RARS1: variants seen among roughly 807,000 people sequenced by gnomAD.
The protein encoded by RARS1 is arginine--tRNA ligase, cytoplasmic.
Under a neutral mutation model 78.7 loss-of-function variants are expected in RARS1, and 75 were observed. The observed-to-expected ratio is 0.95, with a 90% confidence interval of 0.79 to 1.15. The LOEUF (loss-of-function observed/expected upper bound fraction) is 1.15, where lower values mean the gene tolerates loss of function less well. Ranked by LOEUF, RARS1 falls within the 50% of genes most tolerant of loss-of-function variation. The probability of loss-of-function intolerance (pLI) is 0.00; values close to 1 mark genes in which losing one functional copy is unlikely to be tolerated. For missense variants in RARS1, 787 were observed against 787.5 expected (o/e 1.00, Z 0.01); for synonymous variants, 273 against 268.2 (o/e 1.02, Z -0.18).
At chr5:168,488,213 A>G (rs978668007) in intron 1 of RARS1, 2 of 384,012 alleles carry the variant, frequency 5.2e-6, no homozygotes, top group African/African-American at 2.1e-5. Flanking sequence ...CCGCAACCTC[A>G]GCCTCTGGGA....
chr5:168,502,174 T>C, intron 9 of RARS1, 69 bp downstream of exon 9: 1 of 1,546,000 alleles, frequency 6.5e-7, no homozygotes, highest in Middle Eastern at 1.8e-4. Flanking sequence ...ATAGAATTTA[T>C]AGTAATGCCA....
In RARS1 at chr5:168,486,483, A is replaced by G. The variant is rs1757964247; in HGVS notation, c.-16A>G. 5.1e-6 allele frequency: 8 copies of G among 1,556,108 alleles called. No individual in the cohort carries two copies. The highest frequency in any genetic ancestry group is 7.0e-6 in the Non-Finnish European group (8 of 1,148,988). On this transcript the variant is annotated 5_prime_UTR_variant, in exon 1 of 15. Transcript: ENST00000231572. ...TCCGCTTCCGTCCACTTGGCGAGTG[A>G]GACGCTGATGGGAGGATGGACGTAC...
At chr5:168,509,438 ACCC>A (rs10533468) in intron 11 of RARS1, among the ~76,000 whole-genome samples, 6,125 of 118,254 alleles carry the variant, frequency 0.052, 481 homozygotes, top group African/African-American at 0.17. Flanking sequence ...TTTTTTAAAC[ACCC>A]CCCCCCCCCC....
At position 168,501,741 on chromosome 5, in the gene RARS1, G is replaced by A. The variant is rs11743840; in HGVS notation, c.953-260G>A. 0.13 allele frequency among the ~76,000 whole-genome samples: 19,812 copies of A among 152,064 alleles called. 1,722 individuals carry two copies. Among genetic ancestry groups the A allele is most frequent in the Non-Finnish European group, 0.19 (13,043 of 67,970 alleles). On this transcript the variant is annotated intron_variant, in intron 8 of 14. Coordinates refer to ENST00000231572, the MANE Select transcript of RARS1 (RefSeq NM_002887.4). ...CCATCTCAAAAAATAATAATAAAAA[G>A]AAAGTAAACGTAGACAGGAGAAAAA...
chr5:168,495,684 C>T (rs1758171540), intron 6 of RARS1, among the ~76,000 whole-genome samples: 1 of 152,174 alleles, frequency 6.6e-6, no homozygotes, highest in South Asian at 2.1e-4. Context: ...TCATTCTACA[C>T]ATGTTTCTTG....
chr5:168,489,895 A>G (rs1582426069), intron 2 of RARS1, among the ~76,000 whole-genome samples: 1 of 150,154 alleles, frequency 6.7e-6, no homozygotes, highest in African/African-American at 2.5e-5. Context: ...GCTCACAATA[A>G]CCTCCACCTC....
At chr5:168,504,750 G>A (rs888553936) in intron 9 of RARS1, among the ~76,000 whole-genome samples, 58 of 151,876 alleles carry the variant, frequency 3.8e-4, no homozygotes, top group East Asian at 1.9e-4. Flanking sequence ...GCGTGAACCC[G>A]GGAGGCAGAG....
At chr5:168,500,877 T>G (rs1758305941) in intron 8 of RARS1, among the ~76,000 whole-genome samples, 157 bp downstream of exon 8, 3 of 152,186 alleles carry the variant, frequency 2.0e-5, no homozygotes, top group Non-Finnish European at 4.4e-5. Context: ...CAATAAATTT[T>G]GAACCTGCCA....
chr5:168,498,321 T>G (rs953625768), intron 7 of RARS1, among the ~76,000 whole-genome samples: 1 of 152,188 alleles, frequency 6.6e-6, no homozygotes, highest in Non-Finnish European at 1.5e-5. Context: ...TTATAGGACT[T>G]AAAATTTTTT....
chr5:168,495,221 A>G (rs1758159212), intron 5 of RARS1, 94 bp from the exon 6 acceptor site: 6 of 1,484,326 alleles, frequency 4.0e-6, no homozygotes, highest in South Asian at 1.4e-5. Flanking sequence ...TAATGAATGC[A>G]TTGGAACAAA....
intron 12 of RARS1, among the ~76,000 whole-genome samples, chr5:168,512,928 T>A (rs905262408): frequency 3.3e-5 from 5 of 152,246 alleles, no homozygotes; most frequent in African/African-American, 9.6e-5. Context: ...TTAGTCAGTG[T>A]TTTTTATTTT....
At chr5:168,495,615 G>C (rs1173970315) in intron 6 of RARS1, among the ~76,000 whole-genome samples, 179 bp downstream of exon 6, 3 of 152,120 alleles carry the variant, frequency 2.0e-5, no homozygotes, top group African/African-American at 7.2e-5. Flanking sequence ...CCTTTCCTCT[G>C]AACCTTTTTT....
chr5:168,487,664 G>T (rs1757998293), intron 1 of RARS1, among the ~76,000 whole-genome samples: 2 of 152,136 alleles, frequency 1.3e-5, no homozygotes, highest in African/African-American at 2.4e-5. Flanking sequence ...TTGGCAATTT[G>T]GTTTTGGCTG....
chr5:168,517,515 A>G (rs1758695282), intron 13 of RARS1, among the ~76,000 whole-genome samples: 1 of 152,166 alleles, frequency 6.6e-6, no homozygotes, highest in East Asian at 1.9e-4. Flanking sequence ...TAGTATTGCA[A>G]GTTATCCCAG....
intron 7 of RARS1, among the ~76,000 whole-genome samples, 163 bp from the exon 8 acceptor site, chr5:168,500,427 GT>G (rs1301778476): frequency 2.6e-4 from 40 of 152,062 alleles, no homozygotes; most frequent in Non-Finnish European, 3.1e-4. Flanking sequence ...TCTTTGGCAT[GT>G]TCATTTGTAA....
At chr5:168,505,019 A>G (rs1246591311) in intron 9 of RARS1, among the ~76,000 whole-genome samples, 1 of 152,070 alleles carries the variant, frequency 6.6e-6, no homozygotes, top group Non-Finnish European at 1.5e-5. Flanking sequence ...GCAATTTTTT[A>G]AATGTTTATT....
intron 12 of RARS1, among the ~76,000 whole-genome samples, chr5:168,514,129 T>A (rs1363737732): frequency 2.6e-5 from 4 of 152,206 alleles, no homozygotes; most frequent in Non-Finnish European, 5.9e-5. Flanking sequence ...TCTCAGACTT[T>A]TTTTAGTATT....
chr5:168,506,472 G>C (rs1299055492), intron 10 of RARS1, among the ~76,000 whole-genome samples: 1 of 152,176 alleles, frequency 6.6e-6, no homozygotes, highest in Non-Finnish European at 1.5e-5. Flanking sequence ...TGTAATTGAA[G>C]TTTTTGCATG....
chr5:168,494,080 T>A, intron 4 of RARS1, 78 bp downstream of exon 4: 1 of 1,387,534 alleles, frequency 7.2e-7, no homozygotes, highest in Non-Finnish European at 9.9e-7. Flanking sequence ...ACACACATTT[T>A]AATTACAGGG....
Sources: allele counts gnomAD v4.1 joint callset (sites outside exome capture counted in the v4.1 genomes callset), GRCh38; gene constraint gnomAD v4.1.1; transcripts MANE v1.5; gene names NCBI Gene and HGNC (gene_info 2026-07-23, HGNC 2026-07-21).